The following KLF17 variants were observed in gnomAD, a reference collection of about 807,000 sequenced individuals.
The protein encoded by KLF17 is KLF transcription factor 17.
KLF17 carries 31 observed loss-of-function variants against 34.2 expected under a neutral mutation model. The observed-to-expected ratio is 0.91, with a 90% CI of 0.68 to 1.22. KLF17 has a LOEUF of 1.22. Ranked by LOEUF, KLF17 falls within the 50% of genes most tolerant of loss-of-function variation. The pLI is 0.00. For synonymous variants in KLF17, 179 were observed against 186.7 expected (o/e 0.96, Z 0.34); for missense variants, 478 against 505.2 (o/e 0.95, Z 0.52).
the KLF17 span, among the ~76,000 whole-genome samples, chr1:44,071,963 T>C: frequency 3.3e-5 from 5 of 150,304 alleles, no homozygotes; most frequent in East Asian, 9.8e-4. Context: ...GCCCTTTGCC[T>C]CCTCCTCTTC....
the KLF17 span, among the ~76,000 whole-genome samples, chr1:44,110,151 C>T: frequency 6.6e-6 from 1 of 152,046 alleles, no homozygotes; most frequent in African/African-American, 2.4e-5. Context: ...AAGTGATCTA[C>T]CTGCCTCAGC....
intron 1 of KLF17, among the ~76,000 whole-genome samples, chr1:44,119,646 T>A (rs547192137): frequency 6.6e-6 from 1 of 151,894 alleles, no homozygotes; most frequent in East Asian, 1.9e-4. Flanking sequence ...CAGCTGAGAC[T>A]CTGTTCTGGG....
the KLF17 span, among the ~76,000 whole-genome samples, chr1:44,080,975 A>G: frequency 6.6e-6 from 1 of 152,008 alleles, no homozygotes; most frequent in African/African-American, 2.4e-5. Context: ...TTGGTCTGCC[A>G]CAGTGTTGGG....
At chr1:44,067,453 A>G in the KLF17 span, among the ~76,000 whole-genome samples, 2 of 152,360 alleles carry the variant, frequency 1.3e-5, no homozygotes, top group South Asian at 4.1e-4. Flanking sequence ...AGAGTCTGAC[A>G]TGAATATTCT....
rs2088141089 is a variant in KLF17 at position 44,133,976 on chromosome 1, G to T, written c.*739G>T. ...CCTTCCATGGAGCAGGTCATCTCGGGTTCACTGGGCCAGGGATGGTCTCTG... is the reference window on the plus strand; with the variant it reads ...CCTTCCATGGAGCAGGTCATCTCGGTTTCACTGGGCCAGGGATGGTCTCTG... On this transcript the variant is annotated 3_prime_UTR_variant, in exon 4 of 4. Coordinates refer to ENST00000372299, the MANE Select transcript of KLF17 (RefSeq NM_173484.4). 6.6e-6 allele frequency: 1 copy of T among 152,222 alleles called. No individual in the cohort carries two copies. The highest frequency in any genetic ancestry group is 2.4e-5 in the African/African-American group (1 of 41,444). 9.4% of individuals were successfully genotyped at this position (152,222 alleles called of 1,614,324 possible). A position where few individuals can be genotyped will look rare whatever the true frequency, so the allele number is the denominator to read the frequency against.
upstream of KLF17, chr1:44,118,740 G>A (rs113075193): frequency 4.1e-6 from 2 of 488,192 alleles, no homozygotes; most frequent in Non-Finnish European, 7.2e-6. Flanking sequence ...GGGCTGCGAG[G>A]GCGGCGCAGG....
chr1:44,095,905 A>C, the KLF17 span, among the ~76,000 whole-genome samples: 1 of 151,696 alleles, frequency 6.6e-6, no homozygotes. Context: ...TTTGTTTATC[A>C]GTTCTGAGAG....
chr1:44,118,872 C>A lies in KLF17; in HGVS notation c.-36C>A. ...GACGCCGTGGTGGCTGGTTCCCTGTCTCTTCAGTAGAGAGTCTAGACCCCA... is the reference window on the plus strand; with the variant it reads ...GACGCCGTGGTGGCTGGTTCCCTGTATCTTCAGTAGAGAGTCTAGACCCCA... On this transcript the variant is annotated 5_prime_UTR_variant, in exon 1 of 4. Transcript: ENST00000372299. 1 of 1,536,344 alleles carries A rather than the reference C, an allele frequency of 6.5e-7. No individual in the cohort carries two copies. The highest frequency in any genetic ancestry group is 8.8e-7 in the Non-Finnish European group (1 of 1,135,416).
intron 1 of KLF17, among the ~76,000 whole-genome samples, chr1:44,123,888 G>A (rs376620100): frequency 6.6e-6 from 1 of 151,418 alleles, no homozygotes; most frequent in East Asian, 1.9e-4. Context: ...TCTGGTTGTG[G>A]GTCAGAGAAG....
rs1287921439 is a variant in KLF17, at chr1:44,134,932, G to A, written c.*1695G>A. ...GAAGAAGAATGGATGAACTTGATTC[G>A]TTTTCCATTGATTGTGATATCTATC... On this transcript the variant is annotated 3_prime_UTR_variant, in exon 4 of 4. Transcript: ENST00000372299. 1.3e-5 allele frequency: 2 copies of A among 151,788 alleles called. No individual in the cohort carries two copies. The highest frequency in any genetic ancestry group is 2.4e-5 in the African/African-American group (1 of 41,312). The allele number at this position is 151,788 out of a possible 1,614,324, so 9.4% of individuals were successfully genotyped here. A position where few individuals can be genotyped will look rare whatever the true frequency, so the allele number is the denominator to read the frequency against.
the KLF17 span, among the ~76,000 whole-genome samples, chr1:44,047,257 G>A: frequency 6.6e-6 from 1 of 152,168 alleles, no homozygotes; most frequent in East Asian, 1.9e-4. Context: ...GTTTTCCTAA[G>A]ATGGAGCAAT....
chr1:44,081,759 G>A, the KLF17 span, among the ~76,000 whole-genome samples: 22 of 152,112 alleles, frequency 1.4e-4, no homozygotes, highest in African/African-American at 2.9e-4. Flanking sequence ...GCACATCACC[G>A]ATTTCAGCTT....
At chr1:44,082,977 T>G in the KLF17 span, among the ~76,000 whole-genome samples, 1 of 150,338 alleles carries the variant, frequency 6.7e-6, no homozygotes, top group East Asian at 1.9e-4. Context: ...GGTCTCACTC[T>G]ATTGCCCAGG....
At chr1:44,119,668 C>G (rs977445639) in intron 1 of KLF17, among the ~76,000 whole-genome samples, 4 of 152,162 alleles carry the variant, frequency 2.6e-5, no homozygotes, top group South Asian at 2.1e-4. Flanking sequence ...CTAAAGAACC[C>G]GTCAGGTGAA....
At chr1:44,105,353 T>G in the KLF17 span, 2 of 148,092 alleles carry the variant, frequency 1.4e-5, no homozygotes, top group Non-Finnish European at 3.0e-5. Flanking sequence ...CTTTTTAAAA[T>G]GAATGGTGCT....
chr1:44,109,297 A>C, the KLF17 span, among the ~76,000 whole-genome samples: 1 of 152,230 alleles, frequency 6.6e-6, no homozygotes, highest in Non-Finnish European at 1.5e-5. Flanking sequence ...GAGCTTTTGT[A>C]AATCCAATTT....
chr1:44,084,679 CAAA>C, the KLF17 span, among the ~76,000 whole-genome samples: 19 of 129,130 alleles, frequency 1.5e-4, no homozygotes, highest in South Asian at 2.5e-4. Context: ...GATCTTGTCT[CAAA>C]AAAAAAAAAA....
At chr1:44,082,357 C>T in the KLF17 span, among the ~76,000 whole-genome samples, 1 of 152,202 alleles carries the variant, frequency 6.6e-6, no homozygotes, top group African/African-American at 2.4e-5. Context: ...AGGAACTAAT[C>T]CATTTTGAAT....
Position 44,133,822 on chromosome 1 carries a change from C to T in KLF17, c.*585C>T, listed in dbSNP as rs2088139554. The stretch of plus-strand genomic sequence containing the variant: ...GACATCCAGGTGCCCTTCATCCAAG[C>T]TCCTATGTGAGGGGAATGGACATTA... On this transcript the variant is annotated 3_prime_UTR_variant, in exon 4 of 4. Coordinates refer to ENST00000372299, the MANE Select transcript of KLF17 (RefSeq NM_173484.4). 1 of 152,298 alleles carries T rather than the reference C, an allele frequency of 6.6e-6. No homozygotes were observed. 9.4% of individuals were successfully genotyped at this position (152,298 alleles called of 1,614,324 possible).
Sources: gnomAD v4.1 joint callset for allele counts (sites outside exome capture counted in the v4.1 genomes callset) on GRCh38, gnomAD v4.1.1 for gene constraint, MANE v1.5 for transcripts, NCBI Gene and HGNC (gene_info 2026-07-23, HGNC 2026-07-21) for gene names.